Variants in GLRA3 observed in about 807,000 individuals in gnomAD.
GLRA3 encodes the protein glycine receptor alpha 3, also known as glycine receptor subunit alpha-3.
Under a neutral mutation model 60.4 loss-of-function variants are expected in GLRA3, and 44 were observed. The observed-to-expected ratio is 0.73, with a 90% CI of 0.57 to 0.94. The LOEUF (loss-of-function observed/expected upper bound fraction) is 0.94, where lower values mean the gene tolerates loss of function less well. Among genes scored for constraint, GLRA3 ranks in the 40% least tolerant of loss-of-function variants. The pLI is 0.00. For missense variants in GLRA3, 508 were observed against 564.6 expected, an observed-to-expected ratio of 0.90 and a Z score of 1.02; for synonymous variants, 223 against 192.9, an observed-to-expected ratio of 1.16 and a Z score of -1.29.
intron 3 of GLRA3, among the ~76,000 whole-genome samples, chr4:174,735,250 G>GA (rs1446523855): frequency 6.6e-6 from 1 of 151,892 alleles, no homozygotes; most frequent in East Asian, 1.9e-4. Flanking sequence ...GTGGGTAGGA[G>GA]AAAAAAATGG....
chr4:174,657,876 C>A (rs1167717255), intron 8 of GLRA3, among the ~76,000 whole-genome samples: 1 of 152,108 alleles, frequency 6.6e-6, no homozygotes, highest in African/African-American at 2.4e-5. Context: ...TCTCCCGATG[C>A]TGAATGCTGA....
chr4:174,806,140 A>T (rs1292870511), intron 1 of GLRA3, among the ~76,000 whole-genome samples: 1 of 152,142 alleles, frequency 6.6e-6, no homozygotes, highest in Non-Finnish European at 1.5e-5. Context: ...TAAATCTGGG[A>T]TGTTCAATAT....
intron 2 of GLRA3, among the ~76,000 whole-genome samples, chr4:174,778,609 G>A (rs572888490): frequency 0.012 from 1,849 of 152,326 alleles, 22 homozygotes; most frequent in Non-Finnish European, 0.018. Flanking sequence ...GCGCAGGTCA[G>A]TGGGTGCACG....
chr4:174,685,220 TC>T (rs1734509910), intron 5 of GLRA3, among the ~76,000 whole-genome samples: 1 of 151,918 alleles, frequency 6.6e-6, no homozygotes, highest in Non-Finnish European at 1.5e-5. Flanking sequence ...CCTTCCACCC[TC>T]CCCAATACCT....
At chr4:174,649,769 G>T (rs1732960364) in intron 9 of GLRA3, among the ~76,000 whole-genome samples, 2 of 152,048 alleles carry the variant, frequency 1.3e-5, no homozygotes, top group African/African-American at 4.8e-5. Context: ...CTATCCAAGA[G>T]TTCAGGACAG....
Position 174,728,699 on chromosome 4 carries a change from C to T in GLRA3, c.268-1G>A, listed in dbSNP as rs200757023. Reference sequence around the variant, plus strand: ...GAAGAAAGATATTCACTCTGTAATCCTATGATAAAATAATGAAAGAAAGAA... The same window carrying T: ...GAAGAAAGATATTCACTCTGTAATCTTATGATAAAATAATGAAAGAAAGAA... On this transcript the variant is annotated splice_acceptor_variant, in intron 3 of 9. Coordinates refer to ENST00000274093, the MANE Select transcript of GLRA3 (RefSeq NM_006529.4). LOFTEE classifies it high-confidence loss of function. The T allele has an allele frequency of 2.6e-6, 4 of 1,512,290 alleles. No homozygotes were observed. Among genetic ancestry groups the T allele is most frequent in the Non-Finnish European group, 3.6e-6 (4 of 1,110,832 alleles). 93.7% of individuals were successfully genotyped at this position (1,512,290 alleles called of 1,614,324 possible).
At chr4:174,788,449 G>A (rs1272902403) in intron 2 of GLRA3, among the ~76,000 whole-genome samples, 2 of 151,818 alleles carry the variant, frequency 1.3e-5, no homozygotes, top group African/African-American at 2.4e-5. Flanking sequence ...TTAAAAAGAT[G>A]GGAAAGTTTA....
intron 1 of GLRA3, among the ~76,000 whole-genome samples, chr4:174,792,494 A>T (rs1739392747): frequency 6.6e-6 from 1 of 152,186 alleles, no homozygotes. Flanking sequence ...AGGTACTGGC[A>T]GGTAGGACTT....
At chr4:174,694,668 T>G (rs973395928) in intron 5 of GLRA3, among the ~76,000 whole-genome samples, 2 of 151,788 alleles carry the variant, frequency 1.3e-5, no homozygotes, top group African/African-American at 4.8e-5. Flanking sequence ...ACTTCACAAC[T>G]GAAAGAATTA....
At chr4:174,744,595 C>T (rs773807363) in intron 3 of GLRA3, among the ~76,000 whole-genome samples, 1 of 152,170 alleles carries the variant, frequency 6.6e-6, no homozygotes, top group Non-Finnish European at 1.5e-5. Flanking sequence ...ACTGCATGCA[C>T]CCAGAATCAA....
Position 174,643,929 on chromosome 4 carries a change from T to C in GLRA3, c.1252A>G (p.Arg418Gly). 1 of 1,614,096 alleles carries C rather than the reference T, an allele frequency of 6.2e-7. No individual in the cohort carries two copies. Among genetic ancestry groups the C allele is most frequent in the Non-Finnish European group, 8.5e-7 (1 of 1,179,952 alleles). ...QVMPKSPDEM[R>G]KVFIDRAKKI... Reference sequence around the variant, plus strand: ...TTGGCCCGGTCGATAAAGACCTTCCTCATTTCATCAGGACTTTTTGGCATT... The same window carrying C: ...TTGGCCCGGTCGATAAAGACCTTCCCCATTTCATCAGGACTTTTTGGCATT... Residue 418 changes from arginine (R) to glycine (G), a missense_variant, in exon 10 of 10, where the codon AGG becomes GGG. By Grantham distance (125) the Arg-to-Gly change is moderately radical. Transcript: ENST00000274093.
intron 4 of GLRA3, among the ~76,000 whole-genome samples, chr4:174,720,727 A>G (rs1212349419): frequency 1.3e-5 from 2 of 152,210 alleles, no homozygotes; most frequent in Non-Finnish European, 2.9e-5. Context: ...ACAGCTTGCT[A>G]TAAAAGTAGT....
chr4:174,809,218 T>G (rs1740167675), intron 1 of GLRA3, among the ~76,000 whole-genome samples: 1 of 152,188 alleles, frequency 6.6e-6, no homozygotes, highest in African/African-American at 2.4e-5. Context: ...CCTACAGTAT[T>G]TAATACTGTA....
intron 2 of GLRA3, among the ~76,000 whole-genome samples, chr4:174,771,194 G>T (rs1474555137): frequency 6.6e-6 from 1 of 151,782 alleles, no homozygotes; most frequent in Non-Finnish European, 1.5e-5. Flanking sequence ...TAACAAACCT[G>T]CACATTGTGC....
At chr4:174,778,046 GTA>G (rs997853609) in intron 2 of GLRA3, among the ~76,000 whole-genome samples, 1 of 151,204 alleles carries the variant, frequency 6.6e-6, no homozygotes, top group Non-Finnish European at 1.5e-5. Flanking sequence ...GTGTATGTAT[GTA>G]TATATATATA....
intron 3 of GLRA3, among the ~76,000 whole-genome samples, chr4:174,746,212 AT>A (rs1737239744): frequency 6.6e-6 from 1 of 152,198 alleles, no homozygotes; most frequent in South Asian, 2.1e-4. Context: ...TCACAGCACT[AT>A]TCGCAGTAGC....
At chr4:174,683,382 ACT>A (rs1475103401) in intron 5 of GLRA3, among the ~76,000 whole-genome samples, 6 of 151,032 alleles carry the variant, frequency 4.0e-5, no homozygotes, top group Non-Finnish European at 8.8e-5. Context: ...ACGGAGTCTC[ACT>A]CTGTCACCCA....
In GLRA3 at chr4:174,640,878, C is replaced by CATGGAGAAACTTTTGGAAGGG. The variant is rs1732608450; in HGVS notation, c.*2887_*2907dup. Reference sequence around the variant, plus strand: ...GAGAGTTGGATGGGGTCTCCAGCGCCATGGAGAAACTTTTGGAAGGGTTGG... The same window carrying CATGGAGAAACTTTTGGAAGGG: ...GAGAGTTGGATGGGGTCTCCAGCGCCATGGAGAAACTTTTGGAAGGGATGGAGAAACTTTTGGAAGGGTTGG... On this transcript the variant is annotated 3_prime_UTR_variant, in exon 10 of 10. Transcript: ENST00000274093. 1 of 151,968 alleles carries CATGGAGAAACTTTTGGAAGGG rather than the reference C, an allele frequency of 6.6e-6. No individual in the cohort carries two copies. The allele number at this position is 151,968 out of a possible 1,614,324, so 9.4% of individuals were successfully genotyped here.
chr4:174,720,456 C>A (rs1458513605), intron 4 of GLRA3, among the ~76,000 whole-genome samples: 1 of 152,154 alleles, frequency 6.6e-6, no homozygotes, highest in Non-Finnish European at 1.5e-5. Context: ...TTAGTATTGT[C>A]ACTGCCATGT....
Sources: allele counts gnomAD v4.1 joint callset (sites outside exome capture counted in the v4.1 genomes callset), GRCh38; gene constraint gnomAD v4.1.1; transcripts MANE v1.5; gene names NCBI Gene and HGNC (gene_info 2026-07-23, HGNC 2026-07-21).